The following OSBPL1A variants were observed in gnomAD, a reference collection of about 807,000 sequenced individuals.
OSBPL1A encodes oxysterol-binding protein-related protein 1.
In OSBPL1A, 80 loss-of-function variants were observed where a neutral mutation model predicts 137.1. The observed-to-expected ratio is 0.58, with a 90% CI of 0.49 to 0.70. OSBPL1A has a LOEUF of 0.70. Among genes scored for constraint, OSBPL1A ranks in the 30% least tolerant of loss-of-function variants. The pLI, the probability that OSBPL1A is intolerant of heterozygous loss-of-function variation, is 0.00. For missense variants in OSBPL1A, 970 were observed against 1,129.4 expected (o/e 0.86, Z 2.02); for synonymous variants, 365 against 389.7 (o/e 0.94, Z 0.75).
At chr18:24,396,551 T>C (rs149040996) in intron 1 of OSBPL1A, among the ~76,000 whole-genome samples, 1,821 of 152,312 alleles carry the variant, frequency 0.012, 31 homozygotes, top group African/African-American at 0.041. Flanking sequence ...AAAGGAATGT[T>C]ACTGACAGTT....
chr18:24,368,115 C>A (rs997788973), intron 3 of OSBPL1A, 172 bp downstream of exon 3: 3 of 446,176 alleles, frequency 6.7e-6, no homozygotes, highest in Middle Eastern at 6.1e-4. Context: ...ATTAATCAGG[C>A]TAACCTAATT....
Position 24,271,551 on chromosome 18 carries a change from C to G in OSBPL1A, c.1281+9291G>C. On this transcript the variant is annotated intron_variant, in intron 15 of 27. Transcript: ENST00000319481. The surrounding 1 kb of genome is among the most constrained non-coding windows in gnomAD (Gnocchi z 4.0). ...ATCAAGTCTGGCCGCCCTCCCCGCT[C>G]CGTCCCCCGGCGTCCTCCGTGGCCC... The G allele has an allele frequency of 3.0e-6, 3 of 987,166 alleles. No individual in the cohort carries two copies. Among genetic ancestry groups the G allele is most frequent in the Non-Finnish European group, 3.6e-6 (3 of 831,332 alleles). 61.2% of individuals were successfully genotyped at this position (987,166 alleles called of 1,614,324 possible).
At chr18:24,277,429 C>A (rs753005306) in intron 15 of OSBPL1A, among the ~76,000 whole-genome samples, 3 of 152,218 alleles carry the variant, frequency 2.0e-5, no homozygotes, top group Admixed American at 6.5e-5. Context: ...GGGTCACTTA[C>A]ATCTACTGGA....
intron 15 of OSBPL1A, among the ~76,000 whole-genome samples, chr18:24,243,230 CATAAAAA>C (rs1370980967): frequency 1.3e-5 from 2 of 152,032 alleles, no homozygotes; most frequent in African/African-American, 4.8e-5. Context: ...GTCTCAAAAA[CATAAAAA>C]ATAAAAAATA....
At chr18:24,279,023 T>C (rs1051259299) in intron 15 of OSBPL1A, among the ~76,000 whole-genome samples, 12 of 152,118 alleles carry the variant, frequency 7.9e-5, no homozygotes, top group African/African-American at 2.9e-4. Flanking sequence ...AGACTTTTGG[T>C]AAGTTTGTTT....
chr18:24,395,626 T>C (rs491906), intron 1 of OSBPL1A, among the ~76,000 whole-genome samples: 45 of 138,026 alleles, frequency 3.3e-4, no homozygotes, highest in African/African-American at 9.4e-4. Context: ...TTTTTTTTTT[T>C]CTTTTTTTTG....
chr18:24,378,150 A>G (rs540718014), intron 1 of OSBPL1A, among the ~76,000 whole-genome samples: 1 of 152,346 alleles, frequency 6.6e-6, no homozygotes, highest in East Asian at 1.9e-4. Flanking sequence ...TCAAGCATTT[A>G]TGTCAAAATG....
intron 21 of OSBPL1A, among the ~76,000 whole-genome samples, chr18:24,176,628 T>A (rs964082048): frequency 2.0e-5 from 3 of 152,118 alleles, no homozygotes; most frequent in African/African-American, 4.8e-5. Flanking sequence ...CTGATAAAAA[T>A]TTTTTTTAGT....
At chr18:24,352,360 C>T (rs2091455194) in intron 4 of OSBPL1A, among the ~76,000 whole-genome samples, 1 of 151,916 alleles carries the variant, frequency 6.6e-6, no homozygotes, top group African/African-American at 2.4e-5. Flanking sequence ...TGCTTATCTT[C>T]CAGAGATAAG....
intron 21 of OSBPL1A, among the ~76,000 whole-genome samples, chr18:24,175,150 A>ATG (rs2086413960): frequency 7.0e-6 from 1 of 142,120 alleles, no homozygotes; most frequent in South Asian, 2.2e-4. Flanking sequence ...ATATATATAT[A>ATG]TATATGAAGT....
At chr18:24,194,179 T>C (rs1483388002) in intron 18 of OSBPL1A, among the ~76,000 whole-genome samples, 1 of 152,202 alleles carries the variant, frequency 6.6e-6, no homozygotes, top group Non-Finnish European at 1.5e-5. Flanking sequence ...GACTAAACCA[T>C]ATCTGAAATG....
chr18:24,193,302 C>T lies in OSBPL1A; in HGVS notation c.1677+2823G>A, dbSNP rs371253525. Among the ~76,000 whole-genome samples the T allele has an allele frequency of 4.5e-3, 682 of 152,192 alleles. 5 individuals carry two copies. The highest frequency in any genetic ancestry group is 0.016 in the African/African-American group (658 of 41,512). On this transcript the variant is annotated intron_variant, in intron 18 of 27. Transcript: ENST00000319481. ...ATGAGTTCGAGACCAGTCTGGCCAACATGGTGAAACCCCATCTCTGCTAAA... is the reference window on the plus strand; with the variant it reads ...ATGAGTTCGAGACCAGTCTGGCCAATATGGTGAAACCCCATCTCTGCTAAA...
chr18:24,293,921 G>A (rs1420729710), intron 14 of OSBPL1A, among the ~76,000 whole-genome samples: 1 of 152,154 alleles, frequency 6.6e-6, no homozygotes, highest in Non-Finnish European at 1.5e-5. Flanking sequence ...GTTTTCAGAT[G>A]TCCACGTGGG....
Position 24,377,700 on chromosome 18 carries a change from C to T in OSBPL1A, c.-2-165G>A, listed in dbSNP as rs545139909. On this transcript the variant is annotated intron_variant, in intron 1 of 27. Transcript: ENST00000319481. ...AGGGTGAGAACTTGAGCCTGAGACC[C>T]CTTGCCCTTCCTATTATTATTGAAG... 2.6e-5 allele frequency among the ~76,000 whole-genome samples: 4 copies of T among 152,278 alleles called. No homozygotes were observed. In the South Asian group the frequency reaches 8.3e-4, roughly 32 times the overall value.
rs527501414 is a variant in OSBPL1A, at chr18:24,181,778, A to G, written c.1678-499T>C. 1.1e-4 allele frequency among the ~76,000 whole-genome samples: 17 copies of G among 152,264 alleles called. 1 individual carries two copies. In the South Asian group the frequency reaches 2.5e-3, roughly 22 times the overall value. ...GAAACTGCCAAACTAACCTCTATCT[A>G]GGAATGTTACACTTTCCCCAAATGA... On this transcript the variant is annotated intron_variant, in intron 18 of 27. Coordinates refer to ENST00000319481, the MANE Select transcript of OSBPL1A (RefSeq NM_080597.4).
At position 24,181,250 on chromosome 18, in the gene OSBPL1A, T is replaced by C; in HGVS notation, c.1707A>G (p.Ile569Met). ...MELSKITMPV[I>M]FNEPLSFLQR... Reference sequence around the variant, plus strand: ...GTAGGAAGCTCAGAGGCTCATTAAATATAACTGGCATCGTGATCTTGGATA... The same window carrying C: ...GTAGGAAGCTCAGAGGCTCATTAAACATAACTGGCATCGTGATCTTGGATA... Residue 569 changes from isoleucine to methionine, a missense_variant, in exon 19 of 28, where the codon ATA (isoleucine) becomes ATG (methionine). Ile to Met is a conservative substitution (Grantham distance 10). Transcript: ENST00000319481. 1 of 1,614,170 alleles carries C rather than the reference T, an allele frequency of 6.2e-7. No individual in the cohort carries two copies. The highest frequency in any genetic ancestry group is 8.5e-7 in the Non-Finnish European group (1 of 1,180,032).
intron 15 of OSBPL1A, among the ~76,000 whole-genome samples, chr18:24,254,860 G>T (rs2089223469): frequency 1.3e-5 from 2 of 152,024 alleles, no homozygotes; most frequent in African/African-American, 2.4e-5. Flanking sequence ...GATCAGAGCA[G>T]AAATAAATGA....
At chr18:24,355,628 T>C (rs981943848) in intron 4 of OSBPL1A, among the ~76,000 whole-genome samples, 6 of 152,002 alleles carry the variant, frequency 3.9e-5, no homozygotes, top group African/African-American at 1.5e-4. Flanking sequence ...TACAACTCAA[T>C]CTGCACCATC....
intron 18 of OSBPL1A, among the ~76,000 whole-genome samples, chr18:24,184,028 C>T (rs116481010): frequency 7.9e-5 from 12 of 152,250 alleles, no homozygotes; most frequent in African/African-American, 2.9e-4. Flanking sequence ...TATCATAAAG[C>T]ATAATTCTGG....
Sources: gnomAD v4.1 joint callset for allele counts (sites outside exome capture counted in the v4.1 genomes callset) on GRCh38, gnomAD v4.1.1 for gene constraint, Gnocchi (gnomAD v3.1) non-coding constraint, MANE v1.5 for transcripts, NCBI Gene and HGNC (gene_info 2026-07-23, HGNC 2026-07-21) for gene names.